CHRM2: variants seen among roughly 807,000 people sequenced by gnomAD.
CHRM2 encodes cholinergic receptor muscarinic 2.
A neutral mutation model predicts 25.0 loss-of-function variants in CHRM2; 8 were observed. The observed-to-expected ratio is 0.32, with a 90% confidence interval of 0.19 to 0.58. The LOEUF (loss-of-function observed/expected upper bound fraction) is 0.58. CHRM2 is among the 20% of genes least tolerant of loss of function. The pLI is 0.88. For missense variants in CHRM2, 440 were observed against 567.1 expected, an observed-to-expected ratio of 0.78 and a Z score of 2.28; for synonymous variants, 202 against 205.7, an observed-to-expected ratio of 0.98 and a Z score of 0.15.
intron 2 of CHRM2, among the ~76,000 whole-genome samples, chr7:136,971,424 T>C (rs1265254228): frequency 6.6e-6 from 1 of 152,068 alleles, no homozygotes; most frequent in Non-Finnish European, 1.5e-5. Flanking sequence ...GAGACCAGCC[T>C]GACCAACACG....
At chr7:137,000,238 ACCCAGGCTGGAGTGCAGTG>A (rs1803906295) in intron 3 of CHRM2, among the ~76,000 whole-genome samples, 1 of 114,194 alleles carries the variant, frequency 8.8e-6, no homozygotes, top group African/African-American at 3.5e-5. Context: ...TCGCTCTGTC[ACCCAGGCTGGAGTGCAGTG>A]GCGCAATCTC....
At chr7:136,898,473 G>A (rs1321993142) in intron 2 of CHRM2, among the ~76,000 whole-genome samples, 3 of 151,516 alleles carry the variant, frequency 2.0e-5, no homozygotes, top group Non-Finnish European at 4.4e-5. Context: ...ACTGTGAATT[G>A]ACTATTCAAT....
In CHRM2 at chr7:137,016,305, T is replaced by G; in HGVS notation, c.*39T>G. The stretch of plus-strand genomic sequence containing the variant: ...AAGATAGAAGGTGGGCAAGGGGAGC[T>G]TGAGAAGAATAAAAGGGATAAACGA... On this transcript the variant is annotated 3_prime_UTR_variant, in exon 4 of 4. Transcript: ENST00000680005. 1 of 1,586,414 alleles carries G rather than the reference T, an allele frequency of 6.3e-7. No individual in the cohort carries two copies. Among genetic ancestry groups the G allele is most frequent in the Non-Finnish European group, 8.7e-7 (1 of 1,155,810 alleles).
intron 3 of CHRM2, among the ~76,000 whole-genome samples, chr7:137,003,545 G>A (rs1446315263): frequency 7.0e-6 from 1 of 142,404 alleles, no homozygotes; most frequent in Non-Finnish European, 1.5e-5. Flanking sequence ...CACTAGTTAG[G>A]TGAATAAATA....
rs1805173244 is a variant in CHRM2 at position 137,016,114 on chromosome 7, A to G, written c.1249A>G (p.Ile417Val). The change falls in exon 4 of 4, where the codon ATC becomes GTC. Residue 417 changes from isoleucine to valine, a missense_variant. Around this residue, in one of 5 missense-constraint regions of CHRM2, gnomAD observed 65 missense variants for 108.9 expected, o/e 0.60. Transcript: ENST00000680005. ...VLINTFCAPC[I>V]PNTVWTIGYW... ...CATTAACACCTTTTGTGCACCTTGC[A>G]TCCCCAACACTGTGTGGACAATTGG... The G allele has an allele frequency of 6.2e-7, 1 of 1,612,548 alleles. No homozygotes were observed. The highest frequency in any genetic ancestry group is 8.5e-7 in the Non-Finnish European group (1 of 1,179,030).
chr7:136,983,920 C>G (rs1802661898), intron 2 of CHRM2, among the ~76,000 whole-genome samples: 1 of 152,188 alleles, frequency 6.6e-6, no homozygotes, highest in South Asian at 2.1e-4. Context: ...GGGTCAGGGA[C>G]TTGACCCTTG....
intron 2 of CHRM2, among the ~76,000 whole-genome samples, chr7:136,964,631 C>T (rs973190548): frequency 2.0e-5 from 3 of 152,146 alleles, no homozygotes; most frequent in South Asian, 2.1e-4. Context: ...AAAACTGAAG[C>T]TGCAAAGTTT....
Position 136,869,208 on chromosome 7 carries a change from C to T in CHRM2, c.-282-53C>T, listed in dbSNP as rs1387853315. The stretch of plus-strand genomic sequence containing the variant: ...CTCCCGCCTCTCCCGCCTCTCCCGC[C>T]CCACCCCTACAGTGTCTCGGCATCA... On this transcript the variant is annotated intron_variant, in intron 1 of 3. Coordinates refer to ENST00000680005, the MANE Select transcript of CHRM2 (RefSeq NM_001006630.2). This position sits in a 1 kb window ranked among gnomAD's most constrained non-coding sequence, Gnocchi z 4.9. 6.6e-6 allele frequency: 1 copy of T among 152,346 alleles called. No individual in the cohort carries two copies. Among genetic ancestry groups the T allele is most frequent in the Non-Finnish European group, 1.5e-5 (1 of 68,184 alleles). 9.4% of individuals were successfully genotyped at this position (152,346 alleles called of 1,614,324 possible).
intron 2 of CHRM2, among the ~76,000 whole-genome samples, chr7:136,890,232 C>A (rs1796639042): frequency 6.6e-6 from 1 of 152,168 alleles, no homozygotes; most frequent in African/African-American, 2.4e-5. Flanking sequence ...CTGAAGGTAA[C>A]TAAAATGTAA....
chr7:136,903,367 A>ACT (rs1358045505), intron 2 of CHRM2: 1 of 382,108 alleles, frequency 2.6e-6, no homozygotes, highest in Non-Finnish European at 5.3e-6. Context: ...AGGAAGTCTT[A>ACT]CTCTTCCTGC....
chr7:136,968,741 T>TATATAC (rs1801577682), intron 2 of CHRM2, among the ~76,000 whole-genome samples: 1 of 146,302 alleles, frequency 6.8e-6, no homozygotes, highest in Non-Finnish European at 1.5e-5. Flanking sequence ...TATATATATA[T>TATATAC]ATACAGACAA....
intron 2 of CHRM2, among the ~76,000 whole-genome samples, chr7:136,912,139 A>G (rs1797877082): frequency 6.6e-6 from 1 of 151,994 alleles, no homozygotes; most frequent in South Asian, 2.1e-4. Context: ...TTAATATCAT[A>G]AAGATAATTG....
intron 3 of CHRM2, among the ~76,000 whole-genome samples, chr7:137,014,117 T>C (rs1415006873): frequency 6.6e-6 from 1 of 152,066 alleles, no homozygotes; most frequent in African/African-American, 2.4e-5. Context: ...TTTGGCTTTT[T>C]CAGTTCAATA....
At chr7:136,893,010 A>G (rs1796753905) in intron 2 of CHRM2, among the ~76,000 whole-genome samples, 2 of 151,936 alleles carry the variant, frequency 1.3e-5, no homozygotes, top group South Asian at 2.1e-4. Flanking sequence ...TCTTTTCTGT[A>G]TCCTCTCTTC....
chr7:136,938,273 G>T, intron 2 of CHRM2: 1 of 926,224 alleles, frequency 1.1e-6, no homozygotes, highest in Non-Finnish European at 1.8e-6. Context: ...AAAGAAGAGT[G>T]CTTCAGCTGC....
At chr7:136,965,495 A>C (rs1250996839) in intron 2 of CHRM2, among the ~76,000 whole-genome samples, 1 of 152,112 alleles carries the variant, frequency 6.6e-6, no homozygotes, top group African/African-American at 2.4e-5. Flanking sequence ...TAATTATTAC[A>C]TTTTGCCAAA....
intron 2 of CHRM2, among the ~76,000 whole-genome samples, chr7:136,944,266 A>G (rs756188561): frequency 4.0e-5 from 6 of 151,806 alleles, no homozygotes; most frequent in African/African-American, 7.3e-5. Flanking sequence ...CAAGTCCCCA[A>G]AGTCTATTGT....
rs1419053260 is a variant in CHRM2, at chr7:137,018,319, C to A, written c.*2053C>A. 6.6e-6 allele frequency: 1 copy of A among 151,864 alleles called. No individual in the cohort carries two copies. Among genetic ancestry groups the A allele is most frequent in the Non-Finnish European group, 1.5e-5 (1 of 67,900 alleles). The allele number at this position is 151,864 out of a possible 1,614,324, so 9.4% of individuals were successfully genotyped here. A position where few individuals can be genotyped will look rare whatever the true frequency, so the allele number is the denominator to read the frequency against. ...TTTAAATAACTTCAGTCATTACCCC[C>A]CCAAAGTAATCTTCCATATTTAAAG... is the stretch of plus-strand genomic sequence containing the variant. On this transcript the variant is annotated 3_prime_UTR_variant, in exon 4 of 4. Coordinates refer to ENST00000680005, the MANE Select transcript of CHRM2 (RefSeq NM_001006630.2).
At chr7:136,913,435 T>A (rs1797948308) in intron 2 of CHRM2, among the ~76,000 whole-genome samples, 1 of 151,960 alleles carries the variant, frequency 6.6e-6, no homozygotes, top group African/African-American at 2.4e-5. Context: ...GAGATCTCTA[T>A]AACACATTCC....
Sources: gnomAD v4.1 joint callset for allele counts (sites outside exome capture counted in the v4.1 genomes callset) on GRCh38, gnomAD v4.1.1 for gene constraint, gnomAD v4.1.1 regional missense constraint, Gnocchi (gnomAD v3.1) non-coding constraint, MANE v1.5 for transcripts, NCBI Gene and HGNC (gene_info 2026-07-23, HGNC 2026-07-21) for gene names.